The following CFH variants were observed in gnomAD, a reference collection of about 807,000 sequenced individuals.
The protein encoded by CFH is H factor 1 (complement).
Under a neutral mutation model 147.3 loss-of-function variants are expected in CFH, and 53 were observed. That is an observed-to-expected ratio of 0.36 (90% CI 0.29 to 0.45). The LOEUF (loss-of-function observed/expected upper bound fraction) is 0.45, where lower values mean the gene tolerates loss of function less well. CFH is among the 20% of genes least tolerant of loss of function. The pLI is 1.00. For missense variants in CFH, 1,380 were observed against 1,498.0 expected (o/e 0.92, Z 1.30); for synonymous variants, 536 against 489.4 (o/e 1.10, Z -1.26).
intron 16 of CFH, 125 bp from the exon 17 acceptor site, chr1:196,737,350 T>A (rs1029072569): frequency 2.7e-6 from 2 of 729,790 alleles, no homozygotes; most frequent in East Asian, 5.4e-5. Flanking sequence ...AATATGTTTT[T>A]GTTTTTAAAT....
At chr1:196,707,791 T>C (rs1411917430) in intron 9 of CFH, among the ~76,000 whole-genome samples, 1 of 152,168 alleles carries the variant, frequency 6.6e-6, no homozygotes, top group South Asian at 2.1e-4. Flanking sequence ...AGACAAAACA[T>C]ATGTCTTCTT....
intron 9 of CFH, among the ~76,000 whole-genome samples, chr1:196,698,824 C>G (rs941744992): frequency 5.9e-5 from 9 of 152,146 alleles, no homozygotes; most frequent in South Asian, 2.1e-4. Context: ...CGAAAATCCT[C>G]AATAAAATAC....
chr1:196,699,222 GATA>G (rs1407002163), intron 9 of CFH, among the ~76,000 whole-genome samples: 1 of 107,664 alleles, frequency 9.3e-6, no homozygotes, highest in Admixed American at 1.1e-4. Flanking sequence ...CAGCCTTTGA[GATA>G]ATGTGTTTTT....
At chr1:196,737,118 G>A (rs1482406369) in intron 16 of CFH, 112 bp downstream of exon 16, 11 of 989,250 alleles carry the variant, frequency 1.1e-5, no homozygotes, top group Admixed American at 2.2e-5. Flanking sequence ...ACTTTATCCT[G>A]ACAAAATAAA....
rs1347547262 is a variant in CFH at position 196,747,397 on chromosome 1, C to A, written c.*84C>A. ...TTCATTTTTTATGTATTGTTTTACT[C>A]CTTTTTATTCATACGTAAAATTTTG... On this transcript the variant is annotated 3_prime_UTR_variant, in exon 22 of 22. Coordinates refer to ENST00000367429, the MANE Select transcript of CFH (RefSeq NM_000186.4). The A allele has an allele frequency of 1.3e-5, 20 of 1,540,632 alleles. No individual in the cohort carries two copies. The highest frequency in any genetic ancestry group is 1.8e-5 in the Non-Finnish European group (20 of 1,122,220).
At chr1:196,738,183 G>A (rs889036952) in intron 17 of CFH, among the ~76,000 whole-genome samples, 2 of 152,084 alleles carry the variant, frequency 1.3e-5, no homozygotes, top group African/African-American at 2.4e-5. Flanking sequence ...TTCCTACTGA[G>A]TCCCTCCCAC....
At chr1:196,684,241 G>A (rs1165360402) in intron 6 of CFH, among the ~76,000 whole-genome samples, 1 of 151,914 alleles carries the variant, frequency 6.6e-6, no homozygotes, top group African/African-American at 2.4e-5. Flanking sequence ...ATTTGTTTAT[G>A]TATTGTTTTT....
At chr1:196,718,488 G>A (rs886658813) in intron 11 of CFH, among the ~76,000 whole-genome samples, 15 of 152,010 alleles carry the variant, frequency 9.9e-5, no homozygotes, top group African/African-American at 3.4e-4. Context: ...TCTGAATCCT[G>A]GATTTAGTGG....
intron 20 of CFH, 86 bp from the exon 21 acceptor site, chr1:196,745,729 TAC>T (rs1205318590): frequency 7.1e-6 from 11 of 1,551,618 alleles, no homozygotes; most frequent in Non-Finnish European, 7.1e-6. Context: ...TGATATTATA[TAC>T]AGTGCTGTGT....
At position 196,737,025 on chromosome 1, in the gene CFH, G is replaced by A. The variant is rs1405033470; in HGVS notation, c.2596+19G>A. ...TGTGTTGGTCAGTAGTGTATAATTT[G>A]TTTTACATAATTCTTTCAAATGAGG... is the stretch of plus-strand genomic sequence containing the variant. On this transcript the variant is annotated intron_variant, in intron 16 of 21. Transcript: ENST00000367429. The A allele has an allele frequency of 6.3e-7, 1 of 1,594,536 alleles. No individual in the cohort carries two copies. Among genetic ancestry groups the A allele is most frequent in the Non-Finnish European group, 8.6e-7 (1 of 1,164,680 alleles).
intron 20 of CFH, 103 bp from the exon 21 acceptor site, chr1:196,745,714 A>G (rs1267345410): frequency 6.6e-7 from 1 of 1,510,526 alleles, no homozygotes; most frequent in Non-Finnish European, 9.2e-7. Context: ...AAATCACAAA[A>G]CTGTTGATAT....
chr1:196,677,451 A>G, intron 4 of CFH, 25 bp from the exon 5 acceptor site: 1 of 1,605,612 alleles, frequency 6.2e-7, no homozygotes, highest in Non-Finnish European at 8.5e-7. Flanking sequence ...ATTCCATTAG[A>G]AAACATTACA....
At chr1:196,661,743 C>G (rs774387680) in intron 1 of CFH, among the ~76,000 whole-genome samples, 1 of 152,164 alleles carries the variant, frequency 6.6e-6, no homozygotes, top group Non-Finnish European at 1.5e-5. Context: ...GCCTTCTTAA[C>G]TTACTAAAGT....
At chr1:196,674,572 T>A (rs1390195688) in intron 3 of CFH, among the ~76,000 whole-genome samples, 2 of 147,872 alleles carry the variant, frequency 1.4e-5, no homozygotes. Context: ...CTCTGCTAGA[T>A]GAAAAATTAT....
chr1:196,701,800 CTGA>C (rs1454287353), intron 9 of CFH, among the ~76,000 whole-genome samples: 1 of 152,042 alleles, frequency 6.6e-6, no homozygotes, highest in Non-Finnish European at 1.5e-5. Context: ...CAATGCAACC[CTGA>C]TGGGCTGCAT....
At chr1:196,672,139 T>G (rs1667302882) in intron 1 of CFH, among the ~76,000 whole-genome samples, 1 of 152,116 alleles carries the variant, frequency 6.6e-6, no homozygotes, top group Admixed American at 6.5e-5. Context: ...GTTTCAGAAT[T>G]CTTCATGCTA....
chr1:196,661,450 G>A (rs929433473), intron 1 of CFH, among the ~76,000 whole-genome samples: 5 of 152,196 alleles, frequency 3.3e-5, no homozygotes, highest in African/African-American at 9.7e-5. Context: ...ATGCTAGAAA[G>A]TCTAACAGCA....
Position 196,701,636 on chromosome 1 carries a change from T to C in CFH, c.1336+11397T>C, listed in dbSNP as rs912325964. On this transcript the variant is annotated intron_variant, in intron 9 of 21. Coordinates refer to ENST00000367429, the MANE Select transcript of CFH (RefSeq NM_000186.4). ...ACAAATCTGACAATCTCGTAACTAT[T>C]TGTGGCAAGCCAGGTCGAGGTCACT... 2.2e-4 allele frequency: 81 copies of C among 373,328 alleles called. 1 individual carries two copies. The South Asian group carries it at 2.3e-3, about 11-fold the overall frequency. 23.1% of individuals were successfully genotyped at this position (373,328 alleles called of 1,614,324 possible).
chr1:196,712,185 T>C (rs1161778176), intron 9 of CFH, among the ~76,000 whole-genome samples: 2 of 152,100 alleles, frequency 1.3e-5, no homozygotes, highest in Non-Finnish European at 1.5e-5. Context: ...TTTTCATCTA[T>C]TTTGTTCCAT....
Sources: allele counts gnomAD v4.1 joint callset (sites outside exome capture counted in the v4.1 genomes callset), GRCh38; gene constraint gnomAD v4.1.1; transcripts MANE v1.5; gene names NCBI Gene and HGNC (gene_info 2026-07-23, HGNC 2026-07-21).